Variants in MEAK7 observed in about 807,000 individuals in gnomAD.
The protein encoded by MEAK7 is MTOR-associated protein MEAK7.
In MEAK7, 68 loss-of-function variants were observed where a neutral mutation model predicts 40.5. The ratio of observed to expected loss-of-function variants is 1.68; its 90% CI spans 1.38 to 2.06. The LOEUF (loss-of-function observed/expected upper bound fraction) is 2.06. Ranked by LOEUF, MEAK7 falls within the 30% of genes most tolerant of loss-of-function variation. The pLI, the probability that MEAK7 is intolerant of heterozygous loss-of-function variation, is 0.00. For missense variants in MEAK7, 918 were observed against 580.5 expected (o/e 1.58, Z -5.98); for synonymous variants, 338 against 231.9 (o/e 1.46, Z -4.16).
chr16:84,487,021 C>T lies in MEAK7; in HGVS notation c.568G>A (p.Asp190Asn), dbSNP rs887076811. Residue 190 changes from aspartate to asparagine, a missense_variant, in exon 5 of 8, where the codon GAC becomes AAC. Transcript: ENST00000343629. ...TCCTCGATCACAGCTCGGTCACAGTCATAGTCCAGCCACTGGGGCCCCAGA... is the reference window on the plus strand; with the variant it reads ...TCCTCGATCACAGCTCGGTCACAGTTATAGTCCAGCCACTGGGGCCCCAGA... ...RLLGPQWLDYDCDRAVIEDWV... is the reference protein window; with the variant it reads ...RLLGPQWLDYNCDRAVIEDWV... 2.5e-6 allele frequency: 4 copies of T among 1,613,620 alleles called. No individual in the cohort carries two copies. The African/African-American group carries it at 5.3e-5, about 22-fold the overall frequency.
At chr16:84,498,256 G>C in intron 1 of MEAK7, 145 bp from the exon 2 acceptor site, 1 of 1,024,888 alleles carries the variant, frequency 9.8e-7, no homozygotes, top group Non-Finnish European at 1.4e-6. Flanking sequence ...ATAATACTGG[G>C]TTTTGGGTTT....
chr16:84,503,087 T>G (rs434690), intron 1 of MEAK7, among the ~76,000 whole-genome samples: 26,037 of 152,178 alleles, frequency 0.17, 2,465 homozygotes, highest in South Asian at 0.25. Flanking sequence ...CCAGGTTTAA[T>G]GCTTAGGTTA....
In MEAK7 at chr16:84,479,953, C is replaced by T. The variant is rs200383674; in HGVS notation, c.1331G>A (p.Arg444His). Residue 444 changes from arginine (R) to histidine (H), a missense_variant, in exon 8 of 8, where the codon CGC becomes CAC. Coordinates refer to ENST00000343629, the MANE Select transcript of MEAK7 (RefSeq NM_020947.4). Reference protein sequence around the residue: ...QALLEISGHSRHSEGLREVPD... With the variant: ...QALLEISGHSHHSEGLREVPD... ...GACTTCCCGGAGCCCTTCGCTGTGG[C>T]GCGAATGCCCACTGATCTCCAGCAG... The T allele has an allele frequency of 2.6e-5, 42 of 1,609,984 alleles. No homozygotes were observed. Among genetic ancestry groups the T allele is most frequent in the East Asian group, 1.1e-4 (5 of 44,722 alleles).
chr16:84,493,180 A>G (rs1466601458), intron 3 of MEAK7, among the ~76,000 whole-genome samples: 1 of 152,214 alleles, frequency 6.6e-6, no homozygotes. Context: ...AATTACTATT[A>G]TGTAAAGTTG....
intron 4 of MEAK7, chr16:84,487,338 T>C: frequency 2.7e-6 from 1 of 372,112 alleles, no homozygotes; most frequent in Non-Finnish European, 4.9e-6. Flanking sequence ...TTTCCCCTGT[T>C]TCTCTTTACT....
At chr16:84,486,533 A>G (rs1422313311) in intron 5 of MEAK7, 98 bp downstream of exon 5, 2 of 1,487,796 alleles carry the variant, frequency 1.3e-6, no homozygotes, top group South Asian at 1.4e-5. Flanking sequence ...CTTGGAGAAG[A>G]TGGGAGAGCC....
At chr16:84,502,132 G>A (rs1480189812) in intron 1 of MEAK7, among the ~76,000 whole-genome samples, 2 of 149,812 alleles carry the variant, frequency 1.3e-5, no homozygotes, top group African/African-American at 2.5e-5. Context: ...CAACAAGAGT[G>A]AAACTCGGTC....
chr16:84,491,755 G>GTGAACCCA (rs1408698393), intron 3 of MEAK7, among the ~76,000 whole-genome samples: 1 of 150,020 alleles, frequency 6.7e-6, no homozygotes, highest in Non-Finnish European at 1.5e-5. Flanking sequence ...GGAGAATGAC[G>GTGAACCCA]TGAACCCAGG....
intron 3 of MEAK7, among the ~76,000 whole-genome samples, chr16:84,492,899 A>C (rs1913743950): frequency 6.6e-6 from 1 of 152,174 alleles, no homozygotes; most frequent in Non-Finnish European, 1.5e-5. Context: ...AGTGTTTTAA[A>C]CTTCTGATAT....
Position 84,479,855 on chromosome 16 carries a change from C to T in MEAK7, c.*58G>A, listed in dbSNP as rs1912356214. 6 of 1,334,038 alleles carry T rather than the reference C, an allele frequency of 4.5e-6. No homozygotes were observed. In the East Asian group the frequency reaches 9.7e-5, roughly 22 times the overall value. 82.6% of individuals were successfully genotyped at this position (1,334,038 alleles called of 1,614,324 possible). ...TGTGGGAGGGAAGAGGGGCTGCAGG[C>T]GTTGCCCTCTACCCAGAGGAATCCA... is the stretch of plus-strand genomic sequence containing the variant. On this transcript the variant is annotated 3_prime_UTR_variant, in exon 8 of 8. Transcript: ENST00000343629.
intron 1 of MEAK7, chr16:84,500,182 T>C (rs189378858): frequency 2.6e-5 from 4 of 152,378 alleles, no homozygotes; most frequent in East Asian, 3.9e-4. Flanking sequence ...TTTTGTTGTA[T>C]GGATGGACCA....
intron 1 of MEAK7, among the ~76,000 whole-genome samples, chr16:84,503,652 A>T (rs1157728954): frequency 1.3e-5 from 2 of 152,202 alleles, no homozygotes; most frequent in Non-Finnish European, 2.9e-5. Context: ...GGTCAGAGAC[A>T]GAATAATGGG....
intron 2 of MEAK7, among the ~76,000 whole-genome samples, chr16:84,496,451 C>T (rs1321745754): frequency 6.6e-6 from 1 of 152,180 alleles, no homozygotes; most frequent in Non-Finnish European, 1.5e-5. Flanking sequence ...GGAGCCTCTT[C>T]CTTCCGCCTT....
At chr16:84,486,271 G>GGGGGCA (rs1913046480) in intron 5 of MEAK7, 1 of 82,798 alleles carries the variant, frequency 1.2e-5, no homozygotes. Context: ...GCGTGGCGGT[G>GGGGGCA]GGGGCAGGGG....
intron 6 of MEAK7, among the ~76,000 whole-genome samples, chr16:84,481,008 A>G (rs1235723859): frequency 1.3e-5 from 2 of 152,130 alleles, no homozygotes; most frequent in East Asian, 1.9e-4. Flanking sequence ...AATGTTAAAT[A>G]TATATAGAGA....
rs775147420 is a variant in MEAK7 at position 84,489,384 on chromosome 16, T to G, written c.423A>C (p.Leu141=). ...EDLVGSVVHV[L]SHRQELRGWT... is the part of the protein sequence containing the mutation. ...AGCCTCTCAGCTCCTGTCTGTGGCT[T>G]AGCACGTGCACCACAGAGCCAACCA... Residue 141 remains leucine, a synonymous_variant, in exon 4 of 8, where the codon CTA becomes CTC. Coordinates refer to ENST00000343629, the MANE Select transcript of MEAK7 (RefSeq NM_020947.4). The G allele has an allele frequency of 1.9e-6, 3 of 1,614,028 alleles. No individual in the cohort carries two copies. The highest frequency in any genetic ancestry group is 2.5e-6 in the Non-Finnish European group (3 of 1,179,958).
At chr16:84,500,574 T>C (rs774960030) in intron 1 of MEAK7, among the ~76,000 whole-genome samples, 16 of 151,968 alleles carry the variant, frequency 1.1e-4, no homozygotes, top group Non-Finnish European at 2.2e-4. Context: ...GGGATGGGGG[T>C]GCACTTTACA....
chr16:84,499,219 A>G (rs1452405768), intron 1 of MEAK7, among the ~76,000 whole-genome samples: 1 of 152,236 alleles, frequency 6.6e-6, no homozygotes, highest in Non-Finnish European at 1.5e-5. Flanking sequence ...ACAAAAAAGC[A>G]TGGTTGGAAA....
rs1038408420 is a variant in MEAK7, at chr16:84,479,978, G to C, written c.1306C>G (p.Leu436Val). The C allele has an allele frequency of 5.0e-6, 8 of 1,609,286 alleles. No individual in the cohort carries two copies. The African/African-American group carries it at 1.1e-4, about 22-fold the overall frequency. Residue 436 changes from leucine (L) to valine (V), a missense_variant, in exon 8 of 8, where the codon CTG becomes GTG. Leu to Val is a conservative substitution (Grantham distance 32). Coordinates refer to ENST00000343629, the MANE Select transcript of MEAK7 (RefSeq NM_020947.4). The stretch of plus-strand genomic sequence containing the variant: ...CGCGAATGCCCACTGATCTCCAGCA[G>C]GGCCTGGGCCTCAGGGTCCGCATCC... The part of the protein sequence containing the change: ...ILDADPEAQA[L>V]LEISGHSRHS...
Sources: gnomAD v4.1 joint callset for allele counts (sites outside exome capture counted in the v4.1 genomes callset) on GRCh38, gnomAD v4.1.1 for gene constraint, MANE v1.5 for transcripts, NCBI Gene and HGNC (gene_info 2026-07-23, HGNC 2026-07-21) for gene names.